The following DSCAM variants were observed in gnomAD, a reference collection of about 807,000 sequenced individuals.
DSCAM encodes the protein DS cell adhesion molecule, also known as cell adhesion molecule DSCAM.
In DSCAM, 47 loss-of-function variants were observed where a neutral mutation model predicts 217.7. That is an observed-to-expected ratio of 0.22 (90% CI 0.17 to 0.28). The LOEUF is 0.28. Ranked by LOEUF, DSCAM falls within the 10% of genes least tolerant of loss-of-function variation. The pLI is 1.00. For synonymous variants in DSCAM, 1,056 were observed against 1,015.3 expected (o/e 1.04, Z -0.76); for missense variants, 2,080 against 2,618.3 (o/e 0.79, Z 4.49).
intron 11 of DSCAM, among the ~76,000 whole-genome samples, chr21:40,196,998 T>C (rs1412980103): frequency 2.0e-5 from 3 of 152,224 alleles, no homozygotes; most frequent in African/African-American, 7.2e-5. Flanking sequence ...GATGGTCAAA[T>C]AGAAACCAGA....
rs186917468 is a variant in DSCAM at position 40,713,728 on chromosome 21, A to C, written c.44-4957T>G. 2.0e-4 allele frequency among the ~76,000 whole-genome samples: 30 copies of C among 152,354 alleles called. No homozygotes were observed. In the East Asian group the frequency reaches 4.6e-3, roughly 24 times the overall value. On this transcript the variant is annotated intron_variant, in intron 1 of 32. Coordinates refer to ENST00000400454, the MANE Select transcript of DSCAM (RefSeq NM_001389.5). ...GAATGAGCTCATGCATTTTAGCACT[A>C]CATCTTGTTAAGAAACTAAATGGTC...
chr21:40,479,330 T>C (rs948161564), intron 3 of DSCAM, among the ~76,000 whole-genome samples: 10 of 152,216 alleles, frequency 6.6e-5, no homozygotes, highest in Non-Finnish European at 1.5e-4. Context: ...ATCATCATCA[T>C]TAACGGTGCA....
rs560461583 is a variant in DSCAM at position 40,239,843 on chromosome 21, T to C, written c.2356+36254A>G. 2.0e-4 allele frequency among the ~76,000 whole-genome samples: 30 copies of C among 152,274 alleles called. No individual in the cohort carries two copies. In the South Asian group the frequency reaches 6.0e-3, roughly 31 times the overall value. On this transcript the variant is annotated intron_variant, in intron 11 of 32. Coordinates refer to ENST00000400454, the MANE Select transcript of DSCAM (RefSeq NM_001389.5). ...TACAGTAACCCTGAATGCTTTAGGA[T>C]GGTTACTTTTTAATGTATTCCATGC...
In DSCAM at chr21:40,493,876, A is replaced by AT. The variant is rs1601688394; in HGVS notation, c.509-124632_509-124631insA. Among the ~76,000 whole-genome samples, 90 of 94,174 alleles carry AT rather than the reference A, an allele frequency of 9.6e-4. 2 individuals are homozygous for AT. The South Asian group carries it at 0.012, about 12-fold the overall frequency. 61.8% of individuals were successfully genotyped at this position (94,174 alleles called of 152,430 possible). A position where few individuals can be genotyped will look rare whatever the true frequency, so the allele number is the denominator to read the frequency against. Reference sequence around the variant, plus strand: ...AAAACTCCATCTCAAAAAAAAAAAAAAAAATATATACATATATATACATAT... The same window carrying AT: ...AAAACTCCATCTCAAAAAAAAAAAAATAAAATATATACATATATATACATAT... On this transcript the variant is annotated intron_variant, in intron 3 of 32. Transcript: ENST00000400454.
intron 20 of DSCAM, among the ~76,000 whole-genome samples, chr21:40,102,170 C>A (rs1026994959): frequency 5.3e-5 from 8 of 152,160 alleles, no homozygotes; most frequent in African/African-American, 1.9e-4. Flanking sequence ...TTGAACCTTT[C>A]TCTAAAACCA....
intron 11 of DSCAM, among the ~76,000 whole-genome samples, chr21:40,237,216 TTTATTA>T (rs1010640183): frequency 2.0e-5 from 3 of 151,938 alleles, no homozygotes; most frequent in African/African-American, 7.3e-5. Flanking sequence ...ACTAAAGAAG[TTTATTA>T]TTATTATTAT....
At chr21:40,487,884 G>A (rs1219347061) in intron 3 of DSCAM, among the ~76,000 whole-genome samples, 2 of 152,180 alleles carry the variant, frequency 1.3e-5, no homozygotes, top group East Asian at 1.9e-4. Flanking sequence ...AGCCAGCATA[G>A]TGAAGAGGCC....
chr21:40,230,880 T>C (rs1271517181), intron 11 of DSCAM, among the ~76,000 whole-genome samples: 1 of 152,112 alleles, frequency 6.6e-6, no homozygotes, highest in Non-Finnish European at 1.5e-5. Context: ...TTCAGGGCCG[T>C]GTCCTTCCAA....
intron 19 of DSCAM, among the ~76,000 whole-genome samples, chr21:40,129,408 A>G (rs894428167): frequency 3.9e-5 from 6 of 152,148 alleles, no homozygotes; most frequent in Non-Finnish European, 8.8e-5. Flanking sequence ...TCCTTTAACC[A>G]AATCATCATG....
At chr21:40,594,893 G>A (rs1196574157) in intron 3 of DSCAM, among the ~76,000 whole-genome samples, 5 of 152,166 alleles carry the variant, frequency 3.3e-5, no homozygotes, top group South Asian at 2.1e-4. Context: ...GCTTGAGAAT[G>A]TTTCATGCTC....
intron 3 of DSCAM, among the ~76,000 whole-genome samples, chr21:40,585,341 A>G (rs1284039951): frequency 1.9e-4 from 10 of 52,190 alleles, no homozygotes; most frequent in African/African-American, 4.8e-4. Flanking sequence ...TGCTGCGTGA[A>G]CCCGGGAGGC....
At chr21:40,682,054 C>G (rs1482971207) in intron 3 of DSCAM, among the ~76,000 whole-genome samples, 1 of 152,108 alleles carries the variant, frequency 6.6e-6, no homozygotes, top group African/African-American at 2.4e-5. Flanking sequence ...TTGTTTGAAA[C>G]CAGTCAGTTC....
chr21:40,473,678 C>T (rs911638164), intron 3 of DSCAM, among the ~76,000 whole-genome samples: 1 of 152,100 alleles, frequency 6.6e-6, no homozygotes, highest in East Asian at 1.9e-4. Context: ...CCCCCAGTAC[C>T]TCGGGATAAG....
intron 20 of DSCAM, among the ~76,000 whole-genome samples, chr21:40,102,117 A>C (rs1273590534): frequency 6.6e-6 from 1 of 152,214 alleles, no homozygotes; most frequent in African/African-American, 2.4e-5. Context: ...GAGGCACCAT[A>C]GAAGTCTGAC....
intron 1 of DSCAM, among the ~76,000 whole-genome samples, chr21:40,753,876 C>T (rs1026294382): frequency 1.3e-5 from 2 of 152,154 alleles, no homozygotes; most frequent in Non-Finnish European, 2.9e-5. Context: ...GGCCTTGTCA[C>T]GAACAAAAAC....
intron 20 of DSCAM, among the ~76,000 whole-genome samples, chr21:40,098,565 G>C (rs1223022115): frequency 6.6e-6 from 1 of 152,200 alleles, no homozygotes; most frequent in Admixed American, 6.5e-5. Context: ...ACCAAAACAA[G>C]AAGGACTTAC....
chr21:40,477,546 G>A (rs1032476212), intron 3 of DSCAM, among the ~76,000 whole-genome samples: 3 of 152,028 alleles, frequency 2.0e-5, no homozygotes, highest in African/African-American at 7.2e-5. Context: ...ATCCTTTCCA[G>A]AGAACCTGCC....
chr21:40,739,795 T>TC (rs1569012089), intron 1 of DSCAM, among the ~76,000 whole-genome samples: 14 of 151,536 alleles, frequency 9.2e-5, no homozygotes, highest in South Asian at 6.3e-4. Context: ...TTTTTTTTTT[T>TC]TCCCCCAGAA....
At chr21:40,249,164 A>C (rs2073268287) in intron 11 of DSCAM, among the ~76,000 whole-genome samples, 2 of 152,188 alleles carry the variant, frequency 1.3e-5, no homozygotes, top group Admixed American at 1.3e-4. Flanking sequence ...AGCAGGGCAG[A>C]TAGTTATGCA....
Sources: gnomAD v4.1 joint callset for allele counts (sites outside exome capture counted in the v4.1 genomes callset) on GRCh38, gnomAD v4.1.1 for gene constraint, MANE v1.5 for transcripts, NCBI Gene and HGNC (gene_info 2026-07-23, HGNC 2026-07-21) for gene names.